STAG1: variants seen among roughly 807,000 people sequenced by gnomAD.
The protein encoded by STAG1 is cohesin subunit SA-1.
STAG1 carries 26 observed loss-of-function variants against 170.9 expected under a neutral mutation model. The observed-to-expected ratio is 0.15, with a 90% CI of 0.11 to 0.21. The LOEUF (loss-of-function observed/expected upper bound fraction) is 0.21. Ranked by LOEUF, STAG1 falls within the 10% of genes least tolerant of loss-of-function variation. STAG1 has a pLI of 1.00. For missense variants in STAG1, 964 were observed against 1,509.5 expected (o/e 0.64, Z 5.99); for synonymous variants, 514 against 497.7 (o/e 1.03, Z -0.44).
At chr3:136,528,494 A>C (rs946890838) in intron 6 of STAG1, among the ~76,000 whole-genome samples, 3,095 of 71,040 alleles carry the variant, frequency 0.044, 12 homozygotes, top group Admixed American at 0.046. Context: ...ATGTCCCCGC[A>C]CCCCCCCCCC....
At chr3:136,430,244 G>A (rs1268979714) in intron 16 of STAG1, 3 of 152,008 alleles carry the variant, frequency 2.0e-5, no homozygotes, top group Non-Finnish European at 4.4e-5. Flanking sequence ...AAGGGTAAAC[G>A]GTATATAATT....
At chr3:136,478,037 A>AC (rs1167296043) in intron 9 of STAG1, among the ~76,000 whole-genome samples, 4 of 152,032 alleles carry the variant, frequency 2.6e-5, no homozygotes, top group Non-Finnish European at 5.9e-5. Flanking sequence ...TGATCCACCC[A>AC]CCTCGGCCTC....
intron 21 of STAG1, among the ~76,000 whole-genome samples, chr3:136,400,112 G>A (rs933787712): frequency 1.1e-4 from 17 of 152,068 alleles, no homozygotes; most frequent in African/African-American, 2.9e-4. Flanking sequence ...GAGTAGAGGC[G>A]GGGTTTCACC....
intron 22 of STAG1, among the ~76,000 whole-genome samples, chr3:136,380,328 G>A (rs1362542969): frequency 6.6e-6 from 1 of 151,696 alleles, no homozygotes; most frequent in Non-Finnish European, 1.5e-5. Context: ...TGCAGCCTCT[G>A]TCTCCCGGGT....
At chr3:136,743,445 A>C (rs1485731624) in intron 1 of STAG1, among the ~76,000 whole-genome samples, 3 of 152,170 alleles carry the variant, frequency 2.0e-5, no homozygotes, top group East Asian at 3.8e-4. Flanking sequence ...CATTAGAAGG[A>C]TAGCAAGGAA....
At chr3:136,733,923 CG>C (rs1559979668) in intron 1 of STAG1, among the ~76,000 whole-genome samples, 1 of 151,916 alleles carries the variant, frequency 6.6e-6, no homozygotes, top group Admixed American at 6.6e-5. Flanking sequence ...CTGGCTAACA[CG>C]GTGAAACCCT....
In STAG1 at chr3:136,357,796, G is replaced by T; in HGVS notation, c.2989C>A (p.Pro997Thr). ...TCAAGAAAAGCCAGATTAGGAGGTG[G>T]ATACTCTTGTCCTTTCTGATTTTGG... Reference protein sequence around the residue: ...KYQNQKGQEYPPPNLAFLEVL... With the variant: ...KYQNQKGQEYTPPNLAFLEVL... Residue 997 changes from proline to threonine, a missense_variant, in exon 28 of 34, where the codon CCA becomes ACA. Around this residue, in one of 11 missense-constraint regions of STAG1, gnomAD observed 149 missense variants for 301.3 expected, o/e 0.49. Transcript: ENST00000383202. The T allele has an allele frequency of 6.2e-7, 1 of 1,604,724 alleles. No homozygotes were observed. Among genetic ancestry groups the T allele is most frequent in the Non-Finnish European group, 8.5e-7 (1 of 1,176,486 alleles).
intron 14 of STAG1, among the ~76,000 whole-genome samples, chr3:136,446,896 G>A (rs1218858075): frequency 6.6e-6 from 1 of 151,488 alleles, no homozygotes; most frequent in African/African-American, 2.4e-5. Context: ...TGCCTCCTGC[G>A]TTCAAGCAAT....
At chr3:136,690,765 A>G (rs953953904) in intron 1 of STAG1, among the ~76,000 whole-genome samples, 6 of 151,976 alleles carry the variant, frequency 3.9e-5, no homozygotes, top group Non-Finnish European at 8.8e-5. Flanking sequence ...ACTGGCAAAG[A>G]TGTGTTGTTA....
intron 4 of STAG1, among the ~76,000 whole-genome samples, chr3:136,578,751 T>C (rs527947324): frequency 1.3e-5 from 2 of 152,296 alleles, no homozygotes; most frequent in South Asian, 4.2e-4. Context: ...GGTCAGGTAA[T>C]AGATGATGGA....
At position 136,521,275 on chromosome 3, in the gene STAG1, G is replaced by A. The variant is rs746896024; in HGVS notation, c.614C>T (p.Ser205Phe). The change falls in exon 7 of 34, where the codon TCC becomes TTC. Residue 205 changes from serine (S) to phenylalanine (F), a missense_variant. By Grantham distance (155) the Ser-to-Phe change is radical. Around this residue, in one of 11 missense-constraint regions of STAG1, gnomAD observed 0 missense variants for 24.6 expected, o/e 0.00. Coordinates refer to ENST00000383202, the MANE Select transcript of STAG1 (RefSeq NM_005862.3). Reference sequence around the variant, plus strand: ...GGAGTCTGACAAACCCGTCAAAAGGGAGATTACTGTGTCCATCATATACTC... The same window carrying A: ...GGAGTCTGACAAACCCGTCAAAAGGAAGATTACTGTGTCCATCATATACTC... Reference protein sequence around the residue: ...YDEYMMDTVISLLTGLSDSQV... With the variant: ...YDEYMMDTVIFLLTGLSDSQV... The A allele has an allele frequency of 6.2e-7, 1 of 1,613,758 alleles. No individual in the cohort carries two copies. The highest frequency in any genetic ancestry group is 8.5e-7 in the Non-Finnish European group (1 of 1,179,814).
intron 15 of STAG1, among the ~76,000 whole-genome samples, chr3:136,437,776 ACT>A (rs1249591783): frequency 6.6e-6 from 1 of 152,000 alleles, no homozygotes; most frequent in East Asian, 1.9e-4. Flanking sequence ...GTTAGGTAGA[ACT>A]CTCATTCTTT....
chr3:136,725,076 G>A (rs905664061), intron 1 of STAG1, among the ~76,000 whole-genome samples: 1 of 152,130 alleles, frequency 6.6e-6, no homozygotes, highest in African/African-American at 2.4e-5. Context: ...AATACTTAAA[G>A]TATTATAATT....
intron 1 of STAG1, among the ~76,000 whole-genome samples, chr3:136,730,604 T>C (rs1164737799): frequency 6.6e-6 from 1 of 152,228 alleles, no homozygotes; most frequent in Non-Finnish European, 1.5e-5. Context: ...GAACTATATA[T>C]AGTTCACAAC....
chr3:136,448,837 G>A (rs1221824160), intron 14 of STAG1, among the ~76,000 whole-genome samples: 2 of 152,044 alleles, frequency 1.3e-5, no homozygotes, highest in Non-Finnish European at 2.9e-5. Context: ...TACTCGGGAG[G>A]CTGAGACAGG....
rs908511823 is a variant in STAG1, at chr3:136,699,688, T to C, written c.-84+52507A>G. ...TAACTCAGGAATGGAAAACCAAATA[T>C]GGTTATGCTCTCACTTCGAAGTGGG... On this transcript the variant is annotated intron_variant, in intron 1 of 33. Transcript: ENST00000383202. 2.0e-5 allele frequency among the ~76,000 whole-genome samples: 3 copies of C among 151,986 alleles called. No homozygotes were observed. The East Asian group carries it at 5.8e-4, about 29-fold the overall frequency.
chr3:136,560,365 A>C (rs1936793687), intron 5 of STAG1, among the ~76,000 whole-genome samples: 1 of 152,198 alleles, frequency 6.6e-6, no homozygotes, highest in Non-Finnish European at 1.5e-5. Context: ...GTACATACCA[A>C]AGTAAATATG....
intron 28 of STAG1, among the ~76,000 whole-genome samples, chr3:136,352,160 TTTTA>T (rs1408663020): frequency 3.9e-5 from 6 of 152,150 alleles, no homozygotes; most frequent in East Asian, 1.9e-4. Context: ...TATTTGTTCT[TTTTA>T]TTTATTTATT....
At chr3:136,635,916 G>A (rs907944961) in intron 1 of STAG1, among the ~76,000 whole-genome samples, 6 of 152,120 alleles carry the variant, frequency 3.9e-5, no homozygotes, top group Non-Finnish European at 7.4e-5. Context: ...AACAAAATAC[G>A]TAGAATCTAT....
Sources: gnomAD v4.1 joint callset for allele counts (sites outside exome capture counted in the v4.1 genomes callset) on GRCh38, gnomAD v4.1.1 for gene constraint, gnomAD v4.1.1 regional missense constraint, MANE v1.5 for transcripts, NCBI Gene and HGNC (gene_info 2026-07-23, HGNC 2026-07-21) for gene names.